FBLN2: variants seen among roughly 807,000 people sequenced by gnomAD.
The protein encoded by FBLN2 is fibulin-2.
Under a neutral mutation model 123.7 loss-of-function variants are expected in FBLN2, and 81 were observed. That is an observed-to-expected ratio of 0.65 (90% CI 0.55 to 0.79). The LOEUF is 0.79. Among genes scored for constraint, FBLN2 ranks in the 30% least tolerant of loss-of-function variants. The probability of loss-of-function intolerance (pLI) is 0.00; values close to 1 mark genes in which losing one functional copy is unlikely to be tolerated. For missense variants in FBLN2, 1,603 were observed against 1,681.3 expected, an observed-to-expected ratio of 0.95 and a Z score of 0.81; for synonymous variants, 699 against 701.4, an observed-to-expected ratio of 1.00 and a Z score of 0.05.
chr3:13,615,429 AT>A (rs974412748), intron 5 of FBLN2, among the ~76,000 whole-genome samples: 2 of 152,202 alleles, frequency 1.3e-5, no homozygotes, highest in African/African-American at 4.8e-5. Context: ...TGGAGTGGGA[AT>A]TAAAGCCACA....
chr3:13,631,869 G>C (rs1412178236), intron 16 of FBLN2, among the ~76,000 whole-genome samples: 1 of 152,186 alleles, frequency 6.6e-6, no homozygotes, highest in East Asian at 1.9e-4. Flanking sequence ...CCAGAGAGTA[G>C]GGCGGGATCC....
chr3:13,592,851 G>A (rs1374707972), intron 2 of FBLN2, among the ~76,000 whole-genome samples: 3 of 152,170 alleles, frequency 2.0e-5, no homozygotes, highest in African/African-American at 7.2e-5. Flanking sequence ...GGGAATTTGG[G>A]CTGGGCTCTG....
At chr3:13,636,218 C>T (rs904734185) in intron 16 of FBLN2, among the ~76,000 whole-genome samples, 3 of 152,138 alleles carry the variant, frequency 2.0e-5, no homozygotes, top group African/African-American at 4.8e-5. Context: ...TTCTGGAGCG[C>T]GAGAAGCCTT....
intron 8 of FBLN2, among the ~76,000 whole-genome samples, chr3:13,620,485 G>T (rs1427585691): frequency 1.3e-5 from 2 of 152,186 alleles, no homozygotes; most frequent in African/African-American, 2.4e-5. Flanking sequence ...GCTGTCCAAG[G>T]ATCACATACC....
chr3:13,581,486 C>T (rs927603565), intron 2 of FBLN2, among the ~76,000 whole-genome samples: 3 of 152,060 alleles, frequency 2.0e-5, no homozygotes, highest in Non-Finnish European at 2.9e-5. Flanking sequence ...GCCAATCAGA[C>T]GTGGAGGCTG....
intron 2 of FBLN2, among the ~76,000 whole-genome samples, chr3:13,586,333 C>T (rs915022496): frequency 2.6e-4 from 36 of 140,028 alleles, no homozygotes; most frequent in African/African-American, 8.5e-4. Flanking sequence ...TACAGGTGCC[C>T]GCCACCACGC....
In FBLN2 at chr3:13,559,429, C is replaced by T. The variant is rs180817639; in HGVS notation, c.-42+10221C>T. 1.3e-5 allele frequency among the ~76,000 whole-genome samples: 2 copies of T among 152,230 alleles called. 1 individual carries two copies. Among genetic ancestry groups the T allele is most frequent in the East Asian group, 3.9e-4 (2 of 5,178 alleles). On this transcript the variant is annotated intron_variant, in intron 1 of 17. Transcript: ENST00000404922. ...TTGATGACAAGATGGCTTCAGGTAC[C>T]CTTGATGTTAAATCATCTTAGTCTA...
chr3:13,578,252 G>C (rs867831481), intron 2 of FBLN2, among the ~76,000 whole-genome samples: 119 of 152,292 alleles, frequency 7.8e-4, no homozygotes, highest in African/African-American at 2.5e-3. Flanking sequence ...GAATCTAGTG[G>C]GTTTTAGTAG....
chr3:13,553,875 C>T (rs923800363), intron 1 of FBLN2, among the ~76,000 whole-genome samples: 17 of 152,220 alleles, frequency 1.1e-4, no homozygotes, highest in Non-Finnish European at 1.5e-5. Flanking sequence ...CACACCTTGT[C>T]GGGCTTCTGG....
rs1703255389 is a variant in FBLN2, at chr3:13,549,167, C to A, written c.-83C>A. 2.0e-6 allele frequency: 2 copies of A among 983,080 alleles called. No individual in the cohort carries two copies. The highest frequency in any genetic ancestry group is 1.1e-4 in the East Asian group (1 of 8,726). 60.9% of individuals were successfully genotyped at this position (983,080 alleles called of 1,614,324 possible). A position where few individuals can be genotyped will look rare whatever the true frequency, so the allele number is the denominator to read the frequency against. ...GCCCGGGCTCTCGACGCGCCGACGG[C>A]CGGGCGGACGGACGGACGGACGCCG... On this transcript the variant is annotated 5_prime_UTR_variant, in exon 1 of 18. Coordinates refer to ENST00000404922, the MANE Select transcript of FBLN2 (RefSeq NM_001004019.2).
At chr3:13,596,066 G>A (rs1574969249) in intron 2 of FBLN2, among the ~76,000 whole-genome samples, 1 of 152,262 alleles carries the variant, frequency 6.6e-6, no homozygotes, top group African/African-American at 2.4e-5. Context: ...TAGTACATGT[G>A]GAAATTCTTT....
At chr3:13,579,168 A>G (rs1704240817) in intron 2 of FBLN2, among the ~76,000 whole-genome samples, 1 of 152,204 alleles carries the variant, frequency 6.6e-6, no homozygotes. Context: ...TGTTATAGCC[A>G]TCCTAGTGTG....
At chr3:13,608,000 T>G in intron 2 of FBLN2, 62 bp from the exon 3 acceptor site, 1 of 1,339,150 alleles carries the variant, frequency 7.5e-7, no homozygotes, top group Non-Finnish European at 1.0e-6. Flanking sequence ...GACAGGCCCC[T>G]GCATATCTGC....
Position 13,609,557 on chromosome 3 carries a change from G to A in FBLN2, c.1463G>A (p.Ser488Asn), listed in dbSNP as rs774400393. The A allele has an allele frequency of 1.9e-6, 3 of 1,553,882 alleles. No individual in the cohort carries two copies. The highest frequency in any genetic ancestry group is 2.6e-6 in the Non-Finnish European group (3 of 1,148,396). Residue 488 changes from serine (S) to asparagine (N), a missense_variant, in exon 4 of 18, where the codon AGC becomes AAC. By Grantham distance (46) the Ser-to-Asn change is conservative. Coordinates refer to ENST00000404922, the MANE Select transcript of FBLN2 (RefSeq NM_001004019.2). ...HCCVSYLQEKSCMAGVLGAKE... is the reference protein window; with the variant it reads ...HCCVSYLQEKNCMAGVLGAKE... ...TGTGTCTCCTACTTGCAGGAGAAGAGCTGCATGGCCGGCGTCCTGGGAGCC... is the reference window on the plus strand; with the variant it reads ...TGTGTCTCCTACTTGCAGGAGAAGAACTGCATGGCCGGCGTCCTGGGAGCC...
intron 5 of FBLN2, among the ~76,000 whole-genome samples, chr3:13,614,989 C>T (rs1202622223): frequency 6.0e-5 from 9 of 148,826 alleles, no homozygotes; most frequent in Non-Finnish European, 1.3e-4. Flanking sequence ...TCCATCCATC[C>T]ATCCATCCAT....
chr3:13,619,127 C>T, intron 7 of FBLN2, 110 bp downstream of exon 7: 1 of 746,858 alleles, frequency 1.3e-6, no homozygotes, highest in East Asian at 2.7e-5. Context: ...AAGATGGCCC[C>T]TCCAAAGGGT....
chr3:13,632,661 T>C (rs1249613788), intron 16 of FBLN2, among the ~76,000 whole-genome samples: 1 of 152,136 alleles, frequency 6.6e-6, no homozygotes, highest in African/African-American at 2.4e-5. Flanking sequence ...AGCCCTTATG[T>C]GTGTACCTAG....
chr3:13,611,379 A>G (rs1430468392), intron 4 of FBLN2, among the ~76,000 whole-genome samples: 1 of 152,158 alleles, frequency 6.6e-6, no homozygotes, highest in East Asian at 1.9e-4. Flanking sequence ...CACCCAAGGA[A>G]CTTTCTTATC....
chr3:13,550,400 A>G (rs185402368), intron 1 of FBLN2, among the ~76,000 whole-genome samples: 1 of 152,212 alleles, frequency 6.6e-6, no homozygotes, highest in Non-Finnish European at 1.5e-5. Flanking sequence ...AGTTGCCCAT[A>G]TCAGCTTTGC....
Sources: allele counts gnomAD v4.1 joint callset (sites outside exome capture counted in the v4.1 genomes callset), GRCh38; gene constraint gnomAD v4.1.1; transcripts MANE v1.5; gene names NCBI Gene and HGNC (gene_info 2026-07-23, HGNC 2026-07-21).